Variants in ZBTB7C observed in about 807,000 individuals in gnomAD.
ZBTB7C encodes zinc finger and BTB domain-containing protein 7C.
ZBTB7C carries 8 observed loss-of-function variants against 25.7 expected under a neutral mutation model. That is an observed-to-expected ratio of 0.31 (90% confidence interval 0.18 to 0.56). The LOEUF is 0.56. Among genes scored for constraint, ZBTB7C ranks in the 20% least tolerant of loss-of-function variants. The probability of loss-of-function intolerance (pLI) is 0.91; values close to 1 mark genes in which losing one functional copy is unlikely to be tolerated. For synonymous variants in ZBTB7C, 394 were observed against 369.0 expected, an observed-to-expected ratio of 1.07 and a Z score of -0.78; for missense variants, 824 against 855.2, an observed-to-expected ratio of 0.96 and a Z score of 0.46.
chr18:48,368,760 A>C (rs912665750), intron 1 of ZBTB7C, among the ~76,000 whole-genome samples: 1 of 152,242 alleles, frequency 6.6e-6, no homozygotes, highest in African/African-American at 2.4e-5. Context: ...CTCATCAGAA[A>C]CCATGGAGAT....
chr18:48,338,796 C>T (rs914189263), intron 1 of ZBTB7C, among the ~76,000 whole-genome samples: 1 of 151,976 alleles, frequency 6.6e-6, no homozygotes, highest in African/African-American at 2.4e-5. Flanking sequence ...AAAGGAGATG[C>T]ATGTTCTCGC....
chr18:48,049,013 T>C (rs1392249957), intron 3 of ZBTB7C, among the ~76,000 whole-genome samples: 1 of 152,184 alleles, frequency 6.6e-6, no homozygotes, highest in Non-Finnish European at 1.5e-5. Context: ...TTTTAACCCA[T>C]TTATGCCTAG....
At chr18:48,295,321 C>G (rs1341870306) in intron 2 of ZBTB7C, among the ~76,000 whole-genome samples, 1 of 152,182 alleles carries the variant, frequency 6.6e-6, no homozygotes, top group Non-Finnish European at 1.5e-5. Flanking sequence ...ATCTCTAACA[C>G]CATTCCGTGG....
intron 2 of ZBTB7C, among the ~76,000 whole-genome samples, chr18:48,321,983 C>T (rs1418829779): frequency 6.6e-6 from 1 of 152,226 alleles, no homozygotes; most frequent in African/African-American, 2.4e-5. Context: ...GCGGATCAGG[C>T]TGTCCCTATT....
chr18:48,256,024 G>A (rs984471765), intron 2 of ZBTB7C, among the ~76,000 whole-genome samples: 2 of 152,148 alleles, frequency 1.3e-5, no homozygotes, highest in Non-Finnish European at 2.9e-5. Context: ...ACTTCAAGCA[G>A]CTTGTTCTAT....
chr18:48,229,671 G>A (rs544656116), intron 2 of ZBTB7C, among the ~76,000 whole-genome samples: 3 of 152,174 alleles, frequency 2.0e-5, no homozygotes, highest in African/African-American at 7.2e-5. Context: ...CACTTTATCT[G>A]TCTTTATTTC....
At chr18:48,244,935 C>T (rs1028560042) in intron 2 of ZBTB7C, among the ~76,000 whole-genome samples, 13 of 151,766 alleles carry the variant, frequency 8.6e-5, no homozygotes, top group Admixed American at 2.0e-4. Context: ...CCAGCAATCC[C>T]GCTACTGAGT....
At chr18:48,355,743 C>T (rs747429266) in intron 1 of ZBTB7C, among the ~76,000 whole-genome samples, 9 of 152,218 alleles carry the variant, frequency 5.9e-5, no homozygotes, top group Admixed American at 3.3e-4. Flanking sequence ...CCCGTGCACC[C>T]CTGCAACCTT....
chr18:48,115,287 C>T (rs1031263829), intron 3 of ZBTB7C, among the ~76,000 whole-genome samples: 2 of 151,628 alleles, frequency 1.3e-5, no homozygotes, highest in African/African-American at 4.9e-5. Context: ...CTTGCTCTGT[C>T]GCCCAAGCTG....
At chr18:48,269,960 TACA>T (rs2044426179) in intron 2 of ZBTB7C, among the ~76,000 whole-genome samples, 1 of 152,150 alleles carries the variant, frequency 6.6e-6, no homozygotes, top group Admixed American at 6.5e-5. Flanking sequence ...CTAATGTTGT[TACA>T]ACGACATAAA....
intron 2 of ZBTB7C, among the ~76,000 whole-genome samples, chr18:48,235,060 T>A (rs1373191450): frequency 6.6e-6 from 1 of 152,090 alleles, no homozygotes; most frequent in Admixed American, 6.5e-5. Flanking sequence ...CACTTTCAAT[T>A]TTTTTTTGTC....
At chr18:48,109,925 C>A (rs982590347) in intron 3 of ZBTB7C, among the ~76,000 whole-genome samples, 5 of 152,304 alleles carry the variant, frequency 3.3e-5, no homozygotes, top group African/African-American at 1.2e-4. Flanking sequence ...AGCCTGGTTT[C>A]TTCCCATTTC....
chr18:48,040,567 G>A lies in ZBTB7C; in HGVS notation c.541C>T (p.Gln181Ter), dbSNP rs2036183850. Reference sequence around the variant, plus strand: ...GGGCTTTGGTGGCAGCTGATGTCCTGGGGGTCAGGCAAGTTTTCTTGGTCA... The same window carrying A: ...GGGCTTTGGTGGCAGCTGATGTCCTAGGGGTCAGGCAAGTTTTCTTGGTCA... ...FADQENLPDP[Q>*]DISCHQSPSK... The change falls in exon 4 of 5, where the codon CAG becomes TAG. Residue 181 changes from glutamine (Q) to a stop codon, truncating the protein, a stop_gained. Transcript: ENST00000590800. LOFTEE classifies it high-confidence loss of function. 6.2e-7 allele frequency: 1 copy of A among 1,613,876 alleles called. No individual in the cohort carries two copies. Among genetic ancestry groups the A allele is most frequent in the African/African-American group, 1.3e-5 (1 of 74,872 alleles).
intron 1 of ZBTB7C, among the ~76,000 whole-genome samples, chr18:48,371,436 G>T (rs943400793): frequency 9.2e-5 from 14 of 152,186 alleles, no homozygotes; most frequent in African/African-American, 3.1e-4. Context: ...TGAGGCCCAG[G>T]GACACAGGAT....
intron 2 of ZBTB7C, among the ~76,000 whole-genome samples, chr18:48,305,750 C>T (rs2045657671): frequency 6.6e-6 from 1 of 152,164 alleles, no homozygotes; most frequent in Admixed American, 6.5e-5. Context: ...TGTGCTTAGA[C>T]CTCCTAAGGA....
intron 3 of ZBTB7C, among the ~76,000 whole-genome samples, chr18:48,161,820 C>T (rs1450872851): frequency 2.0e-5 from 3 of 151,692 alleles, no homozygotes; most frequent in African/African-American, 7.3e-5. Flanking sequence ...CCTCTCTCTC[C>T]TCCTGCGGGA....
intron 3 of ZBTB7C, among the ~76,000 whole-genome samples, chr18:48,142,836 C>T (rs1489155627): frequency 6.6e-6 from 1 of 152,038 alleles, no homozygotes; most frequent in Non-Finnish European, 1.5e-5. Context: ...CCCTTCTTGA[C>T]TCTTCCTTCC....
At chr18:48,084,909 C>T (rs1046590008) in intron 3 of ZBTB7C, among the ~76,000 whole-genome samples, 9 of 152,216 alleles carry the variant, frequency 5.9e-5, no homozygotes, top group Admixed American at 2.6e-4. Flanking sequence ...ACCTCTGTCA[C>T]TCCTACTGAC....
At chr18:48,257,418 A>G (rs1396596191) in intron 2 of ZBTB7C, among the ~76,000 whole-genome samples, 2 of 152,172 alleles carry the variant, frequency 1.3e-5, no homozygotes, top group Non-Finnish European at 2.9e-5. Flanking sequence ...TGTGTACTTA[A>G]AAACTTTCCC....
Sources: gnomAD v4.1 joint callset for allele counts (sites outside exome capture counted in the v4.1 genomes callset) on GRCh38, gnomAD v4.1.1 for gene constraint, MANE v1.5 for transcripts, NCBI Gene and HGNC (gene_info 2026-07-23, HGNC 2026-07-21) for gene names.